The following NARS2 variants were observed in gnomAD, a reference collection of about 807,000 sequenced individuals.
The protein encoded by NARS2 is asparaginyl-tRNA synthetase.
A neutral mutation model predicts 62.9 loss-of-function variants in NARS2; 60 were observed. The observed-to-expected ratio is 0.95, with a 90% CI of 0.77 to 1.18. NARS2 has a LOEUF of 1.18. Among genes scored for constraint, NARS2 ranks in the 50% most tolerant of loss-of-function variants. The probability of loss-of-function intolerance (pLI) is 0.00; values close to 1 mark genes in which losing one functional copy is unlikely to be tolerated. For missense variants in NARS2, 619 were observed against 576.4 expected (o/e 1.07, Z -0.76); for synonymous variants, 196 against 200.0 (o/e 0.98, Z 0.17).
At position 78,458,929 on chromosome 11, in the gene NARS2, G is replaced by GT. The variant is rs1205489291; in HGVS notation, c.1164+6946dup. Among the ~76,000 whole-genome samples, 89 of 150,606 alleles carry GT rather than the reference G, an allele frequency of 5.9e-4. 2 individuals are homozygous for GT. Among genetic ancestry groups the GT allele is most frequent in the Non-Finnish European group, 1.1e-3 (72 of 67,584 alleles). On this transcript the variant is annotated intron_variant, in intron 11 of 13. Coordinates refer to ENST00000281038, the MANE Select transcript of NARS2 (RefSeq NM_024678.6). ...GGGTTTTTTTTTTGTTTGTTTGTTT[G>GT]TTTTTTTGAGATGGAGTCTCGCTCT... is the stretch of plus-strand genomic sequence containing the variant.
At chr11:78,542,954 G>A (rs58790899) in intron 5 of NARS2, among the ~76,000 whole-genome samples, 7,524 of 152,274 alleles carry the variant, frequency 0.049, 637 homozygotes, top group African/African-American at 0.17. Flanking sequence ...CTGCAAGGAG[G>A]AAGTTAAGTT....
intron 6 of NARS2, among the ~76,000 whole-genome samples, chr11:78,496,677 T>G (rs1860071498): frequency 6.6e-6 from 1 of 152,174 alleles, no homozygotes; most frequent in Non-Finnish European, 1.5e-5. Context: ...ATGAATAGCT[T>G]GTTTTACGTG....
At chr11:78,569,120 AATT>A (rs1364521761) in intron 2 of NARS2, among the ~76,000 whole-genome samples, 8 of 152,008 alleles carry the variant, frequency 5.3e-5, no homozygotes, top group South Asian at 4.1e-4. Flanking sequence ...CTATTTTTGC[AATT>A]AAAAAAAAAT....
chr11:78,444,053 C>A, intron 11 of NARS2: 1 of 184,088 alleles, frequency 5.4e-6, no homozygotes, highest in Admixed American at 5.7e-5. Context: ...CAGAAAATTA[C>A]ATTTTTGTGG....
intron 6 of NARS2, among the ~76,000 whole-genome samples, chr11:78,519,209 C>T (rs546810864): frequency 1.3e-5 from 2 of 152,116 alleles, no homozygotes; most frequent in Non-Finnish European, 2.9e-5. Flanking sequence ...ATCCTGAGTA[C>T]GAATTTTTCA....
At chr11:78,513,776 T>G (rs906047118) in intron 6 of NARS2, among the ~76,000 whole-genome samples, 1 of 152,138 alleles carries the variant, frequency 6.6e-6, no homozygotes. Flanking sequence ...ATGATATAGT[T>G]GGGCTACCTG....
rs530893213 is a variant in NARS2, at chr11:78,570,373, T to A, written c.251+962A>T. Among the ~76,000 whole-genome samples, 4 of 152,286 alleles carry A rather than the reference T, an allele frequency of 2.6e-5. No individual in the cohort carries two copies. In the South Asian group the frequency reaches 8.3e-4, roughly 32 times the overall value. ...TCTTCCTCAGAGCTGATACCTAACATTAAAATGGTGTTAGTTTTTGGTTTG... is the reference window on the plus strand; with the variant it reads ...TCTTCCTCAGAGCTGATACCTAACAATAAAATGGTGTTAGTTTTTGGTTTG... On this transcript the variant is annotated intron_variant, in intron 2 of 13. Transcript: ENST00000281038.
At chr11:78,483,417 G>C (rs554559231) in intron 7 of NARS2, among the ~76,000 whole-genome samples, 32 of 152,116 alleles carry the variant, frequency 2.1e-4, no homozygotes, top group Non-Finnish European at 3.4e-4. Context: ...ATAAATAAAG[G>C]GTATTCAAAT....
intron 7 of NARS2, among the ~76,000 whole-genome samples, chr11:78,483,972 C>A (rs984227434): frequency 1.3e-5 from 2 of 152,176 alleles, no homozygotes; most frequent in Non-Finnish European, 2.9e-5. Context: ...AGACATCACA[C>A]TACCTGATTT....
intron 5 of NARS2, among the ~76,000 whole-genome samples, chr11:78,545,304 T>C (rs535899391): frequency 2.6e-5 from 4 of 152,218 alleles, no homozygotes; most frequent in African/African-American, 9.6e-5. Flanking sequence ...ATCACTCACA[T>C]ATATAATTTG....
chr11:78,448,730 A>C (rs1473746726), intron 11 of NARS2, among the ~76,000 whole-genome samples: 2 of 152,228 alleles, frequency 1.3e-5, no homozygotes, highest in African/African-American at 2.4e-5. Context: ...GAGGTAGACC[A>C]GATGAGACTG....
rs1162996794 is a variant in NARS2 at position 78,563,843 on chromosome 11, A to ATAT, written c.513+2288_513+2289insATA. On this transcript the variant is annotated intron_variant, in intron 4 of 13. Coordinates refer to ENST00000281038, the MANE Select transcript of NARS2 (RefSeq NM_024678.6). ...GAACTCTGTATCAAAAAAAAAAAAAAAAAAAAAAATATATATATATATATA... is the reference window on the plus strand; with the variant it reads ...GAACTCTGTATCAAAAAAAAAAAAAATATAAAAAAAAATATATATATATATATA... 3.2e-3 allele frequency among the ~76,000 whole-genome samples: 240 copies of ATAT among 75,272 alleles called. 5 individuals carry two copies. Among genetic ancestry groups the ATAT allele is most frequent in the African/African-American group, 0.012 (224 of 18,068 alleles). The allele number at this position is 75,272 out of a possible 152,430, so 49.4% of individuals were successfully genotyped here.
chr11:78,465,710 G>A (rs1405779555), intron 11 of NARS2, among the ~76,000 whole-genome samples, 166 bp downstream of exon 11: 1 of 152,212 alleles, frequency 6.6e-6, no homozygotes, highest in African/African-American at 2.4e-5. Context: ...TACGTTTATA[G>A]AACACTGGGA....
At chr11:78,473,238 A>C (rs1349907582) in intron 9 of NARS2, among the ~76,000 whole-genome samples, 1 of 152,178 alleles carries the variant, frequency 6.6e-6, no homozygotes, top group Non-Finnish European at 1.5e-5. Context: ...TAACATTTCA[A>C]CTATCAACGT....
chr11:78,469,965 T>C lies in NARS2; in HGVS notation c.960-652A>G, dbSNP rs773300572. Reference sequence around the variant, plus strand: ...GTGCACCGAGTAAGGAAATGAACCATAGAAGTATCTTGGGAGGAGTATTCC... The same window carrying C: ...GTGCACCGAGTAAGGAAATGAACCACAGAAGTATCTTGGGAGGAGTATTCC... On this transcript the variant is annotated intron_variant, in intron 9 of 13. Transcript: ENST00000281038. 1.1e-4 allele frequency among the ~76,000 whole-genome samples: 17 copies of C among 152,264 alleles called. 1 individual carries two copies. The highest frequency in any genetic ancestry group is 4.1e-4 in the South Asian group (2 of 4,830).
chr11:78,444,727 C>CAAAAAAAAAAAA (rs1391489970), intron 11 of NARS2, among the ~76,000 whole-genome samples: 3 of 92,416 alleles, frequency 3.2e-5, no homozygotes, highest in African/African-American at 1.1e-4. Flanking sequence ...TCAAACAAAA[C>CAAAAAAAAAAAA]AAAAAAAAAA....
intron 5 of NARS2, among the ~76,000 whole-genome samples, chr11:78,530,859 T>C (rs1861451755): frequency 1.3e-5 from 2 of 152,234 alleles, no homozygotes; most frequent in Admixed American, 6.5e-5. Flanking sequence ...ATTTAAAACA[T>C]ACCACTACTT....
intron 7 of NARS2, among the ~76,000 whole-genome samples, chr11:78,490,155 G>A (rs11237520): frequency 6.6e-6 from 1 of 151,980 alleles, no homozygotes; most frequent in Non-Finnish European, 1.5e-5. Flanking sequence ...CCTTCAACTG[G>A]TGAAGGGATA....
At chr11:78,438,886 G>A (rs1268623641) in intron 13 of NARS2, among the ~76,000 whole-genome samples, 1 of 152,046 alleles carries the variant, frequency 6.6e-6, no homozygotes, top group East Asian at 1.9e-4. Flanking sequence ...TAATATAGAA[G>A]GAAGCAAATT....
Sources: allele counts gnomAD v4.1 joint callset (sites outside exome capture counted in the v4.1 genomes callset), GRCh38; gene constraint gnomAD v4.1.1; transcripts MANE v1.5; gene names NCBI Gene and HGNC (gene_info 2026-07-23, HGNC 2026-07-21).